FRYL: variants seen among roughly 807,000 people sequenced by gnomAD.
FRYL encodes the protein FRY like transcription coactivator.
FRYL carries 150 observed loss-of-function variants against 351.2 expected under a neutral mutation model. The observed-to-expected ratio is 0.43, with a 90% CI of 0.37 to 0.49. FRYL has a LOEUF of 0.49. Ranked by LOEUF, FRYL falls within the 20% of genes least tolerant of loss-of-function variation. The pLI is 0.00. For synonymous variants in FRYL, 1,153 were observed against 1,257.1 expected, an observed-to-expected ratio of 0.92 and a Z score of 1.75; for missense variants, 3,036 against 3,619.3, an observed-to-expected ratio of 0.84 and a Z score of 4.13.
Position 48,567,942 on chromosome 4 carries a change from C to T in FRYL, c.2997-522G>A, listed in dbSNP as rs1737173998. On this transcript the variant is annotated intron_variant, in intron 27 of 63. Transcript: ENST00000358350. The surrounding 1 kb of genome is among the most constrained non-coding windows in gnomAD (Gnocchi z 4.2). ...AGGGTAGAGTACTGGGTTTCAAAAC[C>T]TTTCTATACCTATGAAATTGCCTTT... Among the ~76,000 whole-genome samples, 1 of 152,162 alleles carries T rather than the reference C, an allele frequency of 6.6e-6. No homozygotes were observed. The highest frequency in any genetic ancestry group is 2.1e-4 in the South Asian group (1 of 4,830).
Position 48,605,734 on chromosome 4 carries a change from T to C in FRYL, c.834+7A>G, listed in dbSNP as rs1251445460. Reference sequence around the variant, plus strand: ...ACAAATGGTATGAAAATAAGAAAAATACTTACAGCAGCTACAGGGATAAGA... The same window carrying C: ...ACAAATGGTATGAAAATAAGAAAAACACTTACAGCAGCTACAGGGATAAGA... On this transcript the variant is annotated splice_region_variant and intron_variant, in intron 11 of 63. Coordinates refer to ENST00000358350, the MANE Select transcript of FRYL (RefSeq NM_015030.2). 6.4e-7 allele frequency: 1 copy of C among 1,558,042 alleles called. No individual in the cohort carries two copies. The highest frequency in any genetic ancestry group is 8.8e-7 in the Non-Finnish European group (1 of 1,131,946).
intron 1 of FRYL, among the ~76,000 whole-genome samples, chr4:48,762,308 T>G (rs1367729754): frequency 6.6e-6 from 1 of 152,206 alleles, no homozygotes; most frequent in Non-Finnish European, 1.5e-5. Flanking sequence ...TAGAGCCTAT[T>G]GTTTTGCAGG....
intron 47 of FRYL, among the ~76,000 whole-genome samples, chr4:48,537,051 G>GA (rs1729049353): frequency 6.6e-6 from 1 of 151,692 alleles, no homozygotes; most frequent in Non-Finnish European, 1.5e-5. Context: ...GAAAGAAAAA[G>GA]AAAAAATGGG....
Position 48,546,254 on chromosome 4 carries a change from T to C in FRYL, c.5092A>G (p.Ile1698Val). 1.2e-6 allele frequency: 2 copies of C among 1,613,320 alleles called. No individual in the cohort carries two copies. The highest frequency in any genetic ancestry group is 1.7e-4 in the Middle Eastern group (1 of 6,058). The change falls in exon 42 of 64, where the codon ATA becomes GTA. Residue 1698 changes from isoleucine (I) to valine (V), a missense_variant. Ile to Val is a conservative substitution (Grantham distance 29). Coordinates refer to ENST00000358350, the MANE Select transcript of FRYL (RefSeq NM_015030.2). The part of the protein sequence containing the change: ...YNFTAGINDF[I>V]PDYQPSPMTD... ...ATAGGGGAGGGCTGGTAATCAGGTA[T>C]AAAATCGTTAATGCCTGCTGAAAGA...
At chr4:48,776,049 A>AAAAAAG (rs1301877501) in intron 1 of FRYL, among the ~76,000 whole-genome samples, 1 of 151,684 alleles carries the variant, frequency 6.6e-6, no homozygotes, top group African/African-American at 2.4e-5. Context: ...AGGTTAAAAA[A>AAAAAAG]AAAAAGAAAA....
At chr4:48,744,727 A>G (rs1267947658) in intron 1 of FRYL, among the ~76,000 whole-genome samples, 2 of 152,198 alleles carry the variant, frequency 1.3e-5, no homozygotes, top group Admixed American at 6.5e-5. Flanking sequence ...AATCCTTCCC[A>G]TACTTAGTCA....
Position 48,752,588 on chromosome 4 carries a change from A to G in FRYL, c.-384+27490T>C, listed in dbSNP as rs190295967. On this transcript the variant is annotated intron_variant, in intron 1 of 63. Transcript: ENST00000358350. ...TCTGGTGATATGTGCTGAAGTATTT[A>G]AGGTAAAGAGTCATGATATCTGTAA... Among the ~76,000 whole-genome samples, 4 of 152,340 alleles carry G rather than the reference A, an allele frequency of 2.6e-5. No homozygotes were observed. The East Asian group carries it at 7.7e-4, about 29-fold the overall frequency.
At chr4:48,541,913 C>T in intron 45 of FRYL, 114 bp downstream of exon 45, 1 of 713,052 alleles carries the variant, frequency 1.4e-6, no homozygotes, top group South Asian at 1.9e-5. Context: ...GGTAATCCAT[C>T]TAATTTGGGC....
intron 20 of FRYL, 60 bp downstream of exon 20, chr4:48,582,437 C>A: frequency 2.0e-6 from 2 of 1,018,240 alleles, no homozygotes; most frequent in Non-Finnish European, 3.1e-6. Context: ...TGTATTAAAA[C>A]CATTATTGGT....
chr4:48,539,982 G>T lies in FRYL; in HGVS notation c.6382C>A (p.Arg2128=). Residue 2128 remains arginine, a synonymous_variant, in exon 47 of 64, where the codon CGA becomes AGA. Coordinates refer to ENST00000358350, the MANE Select transcript of FRYL (RefSeq NM_015030.2). The stretch of plus-strand genomic sequence containing the variant: ...TAACATTTGCTTACCTTTGCTATTC[G>T]ACTAGCTGTTTCTTTGCAAAACTGA... ...PTQFCKETAS[R]IAKVCAEEKC... 6.2e-7 allele frequency: 1 copy of T among 1,609,448 alleles called. No individual in the cohort carries two copies. Among genetic ancestry groups the T allele is most frequent in the Non-Finnish European group, 8.5e-7 (1 of 1,176,470 alleles).
intron 50 of FRYL, among the ~76,000 whole-genome samples, chr4:48,530,042 T>C (rs574788882): frequency 1.3e-5 from 2 of 152,284 alleles, no homozygotes; most frequent in South Asian, 4.1e-4. Flanking sequence ...CCTTAATTTG[T>C]TACTTCCACC....
At chr4:48,592,082 T>TTTTATATA (rs1553941949) in intron 16 of FRYL, among the ~76,000 whole-genome samples, 1 of 116,178 alleles carries the variant, frequency 8.6e-6, no homozygotes, top group African/African-American at 4.5e-5. Flanking sequence ...AATAAAGCTC[T>TTTTATATA]TATATATATA....
chr4:48,731,417 A>G (rs776719451), intron 1 of FRYL, among the ~76,000 whole-genome samples: 19 of 152,238 alleles, frequency 1.2e-4, no homozygotes, highest in Non-Finnish European at 2.4e-4. Flanking sequence ...CTTTCTTCAC[A>G]GAATTGGAAA....
At chr4:48,635,206 T>C (rs1560760574) in intron 3 of FRYL, among the ~76,000 whole-genome samples, 1 of 152,194 alleles carries the variant, frequency 6.6e-6, no homozygotes. Flanking sequence ...TCATTCCAAA[T>C]GCAATTAAAA....
At chr4:48,720,445 T>C (rs1451742746) in intron 1 of FRYL, among the ~76,000 whole-genome samples, 1 of 151,880 alleles carries the variant, frequency 6.6e-6, no homozygotes, top group African/African-American at 2.4e-5. Flanking sequence ...TGCAGTGAGC[T>C]GAGATCACGC....
intron 22 of FRYL, 84 bp from the exon 23 acceptor site, chr4:48,579,325 G>C: frequency 9.0e-7 from 1 of 1,110,182 alleles, no homozygotes; most frequent in African/African-American, 1.6e-5. Context: ...ACTGAAAGTG[G>C]TGTATTAGTA....
At chr4:48,677,305 G>A (rs1046166384) in intron 3 of FRYL, among the ~76,000 whole-genome samples, 3 of 151,984 alleles carry the variant, frequency 2.0e-5, no homozygotes, top group African/African-American at 7.3e-5. Context: ...TATATTCTAA[G>A]CTAGACTTAT....
rs574639408 is a variant in FRYL, at chr4:48,510,005, C to T, written c.8394+54G>A. ...CTGGGCTATTCTGCTGCCAGGATTACCCTTCCAGTGTCAAGAGCAAACCAC... is the reference window on the plus strand; with the variant it reads ...CTGGGCTATTCTGCTGCCAGGATTATCCTTCCAGTGTCAAGAGCAAACCAC... On this transcript the variant is annotated intron_variant, in intron 59 of 63. Transcript: ENST00000358350. 11 of 1,166,878 alleles carry T rather than the reference C, an allele frequency of 9.4e-6. No individual in the cohort carries two copies. The East Asian group carries it at 2.6e-4, about 27-fold the overall frequency. 72.3% of individuals were successfully genotyped at this position (1,166,878 alleles called of 1,614,324 possible).
chr4:48,501,157 G>A (rs1046943797), intron 62 of FRYL, among the ~76,000 whole-genome samples: 4 of 148,448 alleles, frequency 2.7e-5, no homozygotes, highest in Non-Finnish European at 4.5e-5. Context: ...TGATGATACA[G>A]TTTTATGTCT....
Sources: allele counts gnomAD v4.1 joint callset (sites outside exome capture counted in the v4.1 genomes callset), GRCh38; gene constraint gnomAD v4.1.1; non-coding constraint Gnocchi (gnomAD v3.1); transcripts MANE v1.5; gene names NCBI Gene and HGNC (gene_info 2026-07-23, HGNC 2026-07-21).